The following UBE2Q2 variants were observed in gnomAD, a reference collection of about 807,000 sequenced individuals.
UBE2Q2 encodes ubiquitin-conjugating enzyme E2 Q2.
A neutral mutation model predicts 59.9 loss-of-function variants in UBE2Q2; 54 were observed. That is an observed-to-expected ratio of 0.90 (90% CI 0.72 to 1.13). The LOEUF (loss-of-function observed/expected upper bound fraction) is 1.13. Ranked by LOEUF, UBE2Q2 falls within the 50% of genes most tolerant of loss-of-function variation. The pLI is 0.00. For missense variants in UBE2Q2, 433 were observed against 441.9 expected (o/e 0.98, Z 0.18); for synonymous variants, 165 against 155.2 (o/e 1.06, Z -0.47).
At position 75,843,712 on chromosome 15, in the gene UBE2Q2, A is replaced by G; in HGVS notation, c.46A>G (p.Ile16Val). The change falls in exon 1 of 13, where the codon ATC becomes GTC. Residue 16 changes from isoleucine to valine, a missense_variant. By Grantham distance (29) the Ile-to-Val change is conservative. Transcript: ENST00000267938. ...LKAELKFLASIFDKNHERFRI... is the reference protein window; with the variant it reads ...LKAELKFLASVFDKNHERFRI... ...GGCCGAGCTGAAGTTCCTGGCGTCC[A>G]TCTTCGACAAGAACCACGAGCGATT... is the stretch of plus-strand genomic sequence containing the variant. 1 of 1,611,474 alleles carries G rather than the reference A, an allele frequency of 6.2e-7. No individual in the cohort carries two copies. The highest frequency in any genetic ancestry group is 8.5e-7 in the Non-Finnish European group (1 of 1,178,972).
At chr15:75,843,955 C>T in intron 1 of UBE2Q2, 109 bp downstream of exon 1, 1 of 1,408,314 alleles carries the variant, frequency 7.1e-7, no homozygotes, top group Non-Finnish European at 9.2e-7. Flanking sequence ...GCTCCCCGGG[C>T]GGGGCAGGCC....
intron 1 of UBE2Q2, among the ~76,000 whole-genome samples, chr15:75,844,967 C>CAA (rs76363124): frequency 4.5e-4 from 64 of 142,848 alleles, no homozygotes; most frequent in African/African-American, 7.7e-4. Context: ...GTGTTAATTT[C>CAA]AAAAAAAAAA....
At chr15:75,865,859 C>G (rs1897442600) in intron 3 of UBE2Q2, among the ~76,000 whole-genome samples, 1 of 151,378 alleles carries the variant, frequency 6.6e-6, no homozygotes, top group Admixed American at 6.6e-5. Flanking sequence ...GGAGAGTGTC[C>G]CTTGAATACT....
In UBE2Q2 at chr15:75,843,814, C is replaced by A. The variant is rs202209762; in HGVS notation, c.148C>A (p.Pro50Thr). The stretch of plus-strand genomic sequence containing the variant: ...GCAGCAGGGCAGCCCGCACTCGCTG[C>A]CGCCGCCACTCACGCTCCACTGCAA... Reference protein sequence around the residue: ...VPQQGSPHSLPPPLTLHCNIT... With the variant: ...VPQQGSPHSLTPPLTLHCNIT... Residue 50 changes from proline (P) to threonine (T), a missense_variant, in exon 1 of 13, where the codon CCG becomes ACG. Physicochemically the swap from Pro to Thr is conservative, Grantham distance 38. Transcript: ENST00000267938. The A allele has an allele frequency of 6.3e-6, 10 of 1,599,842 alleles. No individual in the cohort carries two copies. The highest frequency in any genetic ancestry group is 8.5e-6 in the Non-Finnish European group (10 of 1,175,052).
chr15:75,889,640 G>A (rs903812054), intron 9 of UBE2Q2, among the ~76,000 whole-genome samples: 1 of 152,164 alleles, frequency 6.6e-6, no homozygotes, highest in Non-Finnish European at 1.5e-5. Context: ...GGTGGACTTG[G>A]TGTCCACACA....
intron 5 of UBE2Q2, 124 bp from the exon 6 acceptor site, chr15:75,876,063 T>C (rs1448576347): frequency 1.2e-5 from 6 of 490,812 alleles, no homozygotes; most frequent in Admixed American, 8.8e-5. Context: ...AGACTCCATC[T>C]CCAAAAAAAA....
intron 1 of UBE2Q2, among the ~76,000 whole-genome samples, chr15:75,852,181 C>T (rs952006768): frequency 1.3e-5 from 2 of 151,992 alleles, no homozygotes; most frequent in Admixed American, 6.6e-5. Context: ...CCAGCCTTAT[C>T]GTAGACATTC....
At chr15:75,857,398 A>G (rs1896974616) in intron 2 of UBE2Q2, among the ~76,000 whole-genome samples, 1 of 152,202 alleles carries the variant, frequency 6.6e-6, no homozygotes, top group African/African-American at 2.4e-5. Flanking sequence ...AATTGGGCCT[A>G]GTTTTTTAAA....
chr15:75,891,589 G>GTT (rs1899111046), intron 11 of UBE2Q2, among the ~76,000 whole-genome samples: 1 of 151,862 alleles, frequency 6.6e-6, no homozygotes, highest in Admixed American at 6.6e-5. Context: ...GAAGCATACA[G>GTT]AAGTTAGTTA....
At chr15:75,866,088 AT>A (rs770568576) in intron 3 of UBE2Q2, among the ~76,000 whole-genome samples, 1 of 151,690 alleles carries the variant, frequency 6.6e-6, no homozygotes, top group Non-Finnish European at 1.5e-5. Context: ...CTCATTCTTA[AT>A]TCTTTCTGTG....
chr15:75,867,280 A>G (rs1003753414), intron 3 of UBE2Q2, among the ~76,000 whole-genome samples: 8 of 152,206 alleles, frequency 5.3e-5, no homozygotes, highest in Admixed American at 2.6e-4. Context: ...TAGGGTTCCT[A>G]TATAGGAGAG....
intron 2 of UBE2Q2, among the ~76,000 whole-genome samples, chr15:75,855,610 GAA>G: frequency 1.3e-5 from 2 of 152,046 alleles, no homozygotes; most frequent in Middle Eastern, 6.8e-3. Flanking sequence ...GGAACCAACT[GAA>G]AAAAAGAGTT....
At chr15:75,854,705 G>A (rs1480701825) in intron 2 of UBE2Q2, among the ~76,000 whole-genome samples, 1 of 151,912 alleles carries the variant, frequency 6.6e-6, no homozygotes, top group Non-Finnish European at 1.5e-5. Context: ...TTACAAATTA[G>A]GGATCTCTTT....
At position 75,846,393 on chromosome 15, in the gene UBE2Q2, A is replaced by G. The variant is rs148223785; in HGVS notation, c.180+2547A>G. 6.4e-3 allele frequency among the ~76,000 whole-genome samples: 971 copies of G among 152,154 alleles called. 6 individuals carry two copies. The highest frequency in any genetic ancestry group is 0.011 in the Non-Finnish European group (775 of 67,986). ...GCTGGGATTACAGGTTTCCGCCGCC[A>G]CACCCGGCTAATTTTTGTGTTTTTA... On this transcript the variant is annotated intron_variant, in intron 1 of 12. Coordinates refer to ENST00000267938, the MANE Select transcript of UBE2Q2 (RefSeq NM_173469.4).
chr15:75,888,247 G>C (rs1898898103), intron 9 of UBE2Q2, among the ~76,000 whole-genome samples: 2 of 152,128 alleles, frequency 1.3e-5, no homozygotes, highest in Admixed American at 1.3e-4. Flanking sequence ...GTCACTCCCT[G>C]TACCCGTTTC....
intron 2 of UBE2Q2, among the ~76,000 whole-genome samples, chr15:75,855,934 T>A (rs928971383): frequency 6.6e-6 from 1 of 152,242 alleles, no homozygotes; most frequent in Admixed American, 6.5e-5. Context: ...ATGCCTGTAA[T>A]TCCAGAACTT....
intron 9 of UBE2Q2, among the ~76,000 whole-genome samples, chr15:75,884,770 C>A (rs893740932): frequency 6.6e-6 from 1 of 152,096 alleles, no homozygotes; most frequent in Admixed American, 6.5e-5. Flanking sequence ...AGATATCTTC[C>A]CACCTCAGCC....
intron 11 of UBE2Q2, among the ~76,000 whole-genome samples, chr15:75,894,456 C>T (rs1595900560): frequency 6.6e-6 from 1 of 151,990 alleles, no homozygotes; most frequent in Admixed American, 6.6e-5. Flanking sequence ...TCGTGGCAGG[C>T]GCCTGTAGTC....
intron 5 of UBE2Q2, among the ~76,000 whole-genome samples, chr15:75,874,910 T>G (rs1897993583): frequency 6.6e-6 from 1 of 152,212 alleles, no homozygotes; most frequent in Non-Finnish European, 1.5e-5. Flanking sequence ...AATTGTTAGG[T>G]AAGTAGATGC....
Sources: allele counts gnomAD v4.1 joint callset (sites outside exome capture counted in the v4.1 genomes callset), GRCh38; gene constraint gnomAD v4.1.1; transcripts MANE v1.5; gene names NCBI Gene and HGNC (gene_info 2026-07-23, HGNC 2026-07-21).